The following GALNT13 variants were observed in gnomAD, a reference collection of about 807,000 sequenced individuals.
GALNT13 encodes UDP-GalNAc:polypeptide N-acetylgalactosaminyltransferase 13.
GALNT13 carries 28 observed loss-of-function variants against 64.2 expected under a neutral mutation model. The observed-to-expected ratio is 0.44, with a 90% CI of 0.32 to 0.60. GALNT13 has a LOEUF of 0.60. Among genes scored for constraint, GALNT13 ranks in the 20% least tolerant of loss-of-function variants. The pLI is 0.05. For missense variants in GALNT13, 577 were observed against 669.8 expected (o/e 0.86, Z 1.53); for synonymous variants, 214 against 224.6 (o/e 0.95, Z 0.42).
chr2:153,961,629 TTGAG>T (rs1339073906), intron 3 of GALNT13, among the ~76,000 whole-genome samples: 1 of 152,110 alleles, frequency 6.6e-6, no homozygotes, highest in African/African-American at 2.4e-5. Context: ...AACTTCATAG[TTGAG>T]TATTTAGCAA....
At chr2:153,247,300 A>G in the GALNT13 span, among the ~76,000 whole-genome samples, 1 of 152,250 alleles carries the variant, frequency 6.6e-6, no homozygotes, top group South Asian at 2.1e-4. Context: ...ACAGACACCT[A>G]CAGAATTCTC....
At chr2:153,182,340 G>A in the GALNT13 span, among the ~76,000 whole-genome samples, 26 of 152,216 alleles carry the variant, frequency 1.7e-4, no homozygotes, top group East Asian at 3.3e-3. Context: ...CACAGTGCCC[G>A]GCTGCAGTTT....
chr2:153,614,978 C>A, the GALNT13 span, among the ~76,000 whole-genome samples: 2 of 151,830 alleles, frequency 1.3e-5, no homozygotes, highest in East Asian at 3.9e-4. Flanking sequence ...TTATTCCTTC[C>A]AACTATTTAT....
chr2:154,227,472 C>G (rs2105837667), intron 4 of GALNT13, among the ~76,000 whole-genome samples: 1 of 99,434 alleles, frequency 1.0e-5, no homozygotes, highest in African/African-American at 3.9e-5. Context: ...TAATGCTATC[C>G]CTCCCCCCTC....
At chr2:153,348,968 T>C in the GALNT13 span, among the ~76,000 whole-genome samples, 18 of 152,198 alleles carry the variant, frequency 1.2e-4, no homozygotes, top group African/African-American at 3.9e-4. Flanking sequence ...AATAAATGTA[T>C]TATAGTTCTT....
chr2:154,440,857 G>A (rs1009891246), intron 12 of GALNT13, among the ~76,000 whole-genome samples: 1 of 152,182 alleles, frequency 6.6e-6, no homozygotes, highest in Admixed American at 6.6e-5. Context: ...TTTGATGTGC[G>A]ATTATATTTT....
chr2:153,376,730 A>G, the GALNT13 span, among the ~76,000 whole-genome samples: 3 of 152,184 alleles, frequency 2.0e-5, no homozygotes, highest in African/African-American at 4.8e-5. Flanking sequence ...TGAGAAGCCT[A>G]TGGAATACAT....
At chr2:153,893,994 A>G (rs1316837713) in intron 1 of GALNT13, among the ~76,000 whole-genome samples, 1 of 152,116 alleles carries the variant, frequency 6.6e-6, no homozygotes, top group Non-Finnish European at 1.5e-5. Flanking sequence ...TTTACTGGGA[A>G]TGGAGTGCAG....
At chr2:153,858,180 A>G in the GALNT13 span, among the ~76,000 whole-genome samples, 1 of 152,184 alleles carries the variant, frequency 6.6e-6, no homozygotes, top group Admixed American at 6.5e-5. Context: ...ATGAAGAGCA[A>G]CTATATGGGA....
At chr2:154,115,350 T>C (rs895613092) in intron 3 of GALNT13, among the ~76,000 whole-genome samples, 12 of 152,156 alleles carry the variant, frequency 7.9e-5, no homozygotes, top group African/African-American at 2.9e-4. Context: ...ATGTGCACAA[T>C]GTGCAGGTTT....
rs558774759 is a variant in GALNT13, at chr2:154,359,189, G to A, written c.1157-36802G>A. On this transcript the variant is annotated intron_variant, in intron 9 of 12. Transcript: ENST00000392825. The stretch of plus-strand genomic sequence containing the variant: ...CAGGAATCTAGTGGCATCAGAGATT[G>A]GAGTCTAAATGAGGTTGAAACTAGA... 4.6e-5 allele frequency among the ~76,000 whole-genome samples: 7 copies of A among 152,140 alleles called. No homozygotes were observed. In the South Asian group the frequency reaches 1.2e-3, roughly 27 times the overall value.
At chr2:153,113,206 C>T in the GALNT13 span, among the ~76,000 whole-genome samples, 1 of 152,022 alleles carries the variant, frequency 6.6e-6, no homozygotes, top group Non-Finnish European at 1.5e-5. Flanking sequence ...TATTTTTACT[C>T]CTCCTCTCCC....
At chr2:153,946,484 A>G (rs931629459) in intron 3 of GALNT13, among the ~76,000 whole-genome samples, 7 of 152,156 alleles carry the variant, frequency 4.6e-5, no homozygotes, top group Non-Finnish European at 1.0e-4. Context: ...CTAACAAGGA[A>G]CAGACATTTA....
At chr2:154,445,193 C>T (rs1410643793) in intron 12 of GALNT13, among the ~76,000 whole-genome samples, 2 of 151,810 alleles carry the variant, frequency 1.3e-5, no homozygotes. Context: ...AATGAAACTT[C>T]TTTGACTATT....
chr2:154,326,225 G>A lies in GALNT13; in HGVS notation c.1156+24636G>A, dbSNP rs117071937. ...GGCCCTGTCTGGTGTTGCCCTTCTG[G>A]CCTCTGTAATAAATGCACAGGTTTT... On this transcript the variant is annotated intron_variant, in intron 9 of 12. Coordinates refer to ENST00000392825, the MANE Select transcript of GALNT13 (RefSeq NM_052917.4). Among the ~76,000 whole-genome samples the A allele has an allele frequency of 3.1e-4, 47 of 151,544 alleles. 3 individuals are homozygous for A. In the East Asian group the frequency reaches 9.0e-3, roughly 29 times the overall value.
chr2:153,432,477 A>G, the GALNT13 span, among the ~76,000 whole-genome samples: 2 of 152,218 alleles, frequency 1.3e-5, no homozygotes, highest in East Asian at 3.8e-4. Context: ...AAATGTGAGC[A>G]CCTTTTCAGA....
chr2:154,146,353 A>G (rs1476946512), intron 4 of GALNT13, among the ~76,000 whole-genome samples: 3 of 151,976 alleles, frequency 2.0e-5, no homozygotes, highest in African/African-American at 7.2e-5. Context: ...AACATGCCAC[A>G]TAACCTTTAT....
chr2:153,255,102 C>A, the GALNT13 span, among the ~76,000 whole-genome samples: 11 of 151,826 alleles, frequency 7.2e-5, no homozygotes, highest in African/African-American at 2.7e-4. Context: ...GTGTGGGAGG[C>A]TAAGTCTCTT....
At chr2:153,251,759 TG>T in the GALNT13 span, among the ~76,000 whole-genome samples, 1 of 151,886 alleles carries the variant, frequency 6.6e-6, no homozygotes, top group Admixed American at 6.6e-5. Context: ...CTGAGAGTGA[TG>T]ATTTCCAATT....
Sources: gnomAD v4.1 joint callset for allele counts (sites outside exome capture counted in the v4.1 genomes callset) on GRCh38, gnomAD v4.1.1 for gene constraint, MANE v1.5 for transcripts, NCBI Gene and HGNC (gene_info 2026-07-23, HGNC 2026-07-21) for gene names.